The following DPP6 variants were observed in gnomAD, a reference collection of about 807,000 sequenced individuals.
DPP6 encodes A-type potassium channel modulatory protein DPP6.
Under a neutral mutation model 122.6 loss-of-function variants are expected in DPP6, and 69 were observed. The observed-to-expected ratio is 0.56, with a 90% confidence interval of 0.46 to 0.69. DPP6 has a LOEUF of 0.69. DPP6 is among the 30% of genes least tolerant of loss of function. The pLI is 0.00. For missense variants in DPP6, 928 were observed against 1,116.9 expected, an observed-to-expected ratio of 0.83 and a Z score of 2.41; for synonymous variants, 418 against 433.1, an observed-to-expected ratio of 0.97 and a Z score of 0.43.
chr7:153,883,338 T>C (rs1798806615), upstream of DPP6, among the ~76,000 whole-genome samples: 1 of 152,220 alleles, frequency 6.6e-6, no homozygotes, highest in Non-Finnish European at 1.5e-5. Context: ...AACCATCTTA[T>C]GTTAAGCACT....
chr7:154,463,195 CT>C (rs368362408), intron 2 of DPP6, among the ~76,000 whole-genome samples: 812 of 83,910 alleles, frequency 9.7e-3, no homozygotes, highest in African/African-American at 0.035. Context: ...TTCTCCTTTT[CT>C]TTTTTTTTTT....
chr7:154,020,691 C>A (rs1250704498), intron 1 of DPP6, among the ~76,000 whole-genome samples: 3 of 152,168 alleles, frequency 2.0e-5, no homozygotes, highest in Admixed American at 2.0e-4. Context: ...AGCTCAAATT[C>A]TCACTGTGGA....
At chr7:153,920,706 G>A (rs751430042) in intron 1 of DPP6, among the ~76,000 whole-genome samples, 1 of 151,480 alleles carries the variant, frequency 6.6e-6, no homozygotes, top group East Asian at 2.0e-4. Flanking sequence ...GATTACAAAC[G>A]TGTGCCACCA....
intron 1 of DPP6, among the ~76,000 whole-genome samples, chr7:154,003,134 A>C (rs1409617525): frequency 6.6e-6 from 1 of 152,196 alleles, no homozygotes. Context: ...GGCTACATGT[A>C]AAGGGAAAGG....
chr7:154,677,385 TGAG>T (rs1838978884), intron 7 of DPP6, among the ~76,000 whole-genome samples: 1 of 149,310 alleles, frequency 6.7e-6, no homozygotes, highest in Non-Finnish European at 1.5e-5. Flanking sequence ...AAATTGGAGT[TGAG>T]GGGTTTTTTT....
chr7:154,663,406 T>C (rs543921575), intron 6 of DPP6, among the ~76,000 whole-genome samples: 5 of 46,072 alleles, frequency 1.1e-4, no homozygotes, highest in African/African-American at 2.1e-4. Context: ...AGTATTCATA[T>C]AGTCATGATG....
In DPP6 at chr7:154,669,397, G is replaced by A. The variant is rs1233238800; in HGVS notation, c.718G>A (p.Ala240Thr). 6.4e-7 allele frequency: 1 copy of A among 1,557,060 alleles called. No individual in the cohort carries two copies. The highest frequency in any genetic ancestry group is 8.7e-7 in the Non-Finnish European group (1 of 1,149,596). The change falls in exon 7 of 26, where the codon GCA (alanine) becomes ACA (threonine). Residue 240 changes from alanine (A) to threonine (T), a missense_variant. Coordinates refer to ENST00000377770, the MANE Select transcript of DPP6 (RefSeq NM_130797.4). ...TCTGGACCCACCAGAAGTCAGCAAT[G>A]CAAAACTTCAGTATGCAGGATGGGG... is the stretch of plus-strand genomic sequence containing the variant. ...QSLDPPEVSN[A>T]KLQYAGWGPK...
chr7:154,446,164 T>C (rs1819849894), intron 1 of DPP6, 50 bp from the exon 2 acceptor site: 2 of 1,207,548 alleles, frequency 1.7e-6, no homozygotes, highest in South Asian at 1.4e-5. Flanking sequence ...TGGCTTATTT[T>C]ATTTCCTTAT....
the DPP6 span, among the ~76,000 whole-genome samples, chr7:153,873,460 T>C: frequency 6.6e-6 from 1 of 152,122 alleles, no homozygotes; most frequent in Non-Finnish European, 1.5e-5. Flanking sequence ...AGACAATAAT[T>C]CTACCCTTAT....
chr7:154,063,105 C>G lies in DPP6; in HGVS notation c.243+10042C>G, dbSNP rs1203147828. Among the ~76,000 whole-genome samples, 2 of 132,888 alleles carry G rather than the reference C, an allele frequency of 1.5e-5. 1 individual carries two copies. Among genetic ancestry groups the G allele is most frequent in the Admixed American group, 1.5e-4 (2 of 12,950 alleles). 87.2% of individuals were successfully genotyped at this position (132,888 alleles called of 152,430 possible). A position where few individuals can be genotyped will look rare whatever the true frequency, so the allele number is the denominator to read the frequency against. ...CCTCTTCCGCCCCTGGCTGTTAGTA[C>G]CCCCATCGCAGGGGGGGAGGCACCC... On this transcript the variant is annotated intron_variant, in intron 1 of 25. Transcript: ENST00000377770.
At chr7:154,571,172 C>T (rs552038401) in intron 5 of DPP6, among the ~76,000 whole-genome samples, 68 of 152,138 alleles carry the variant, frequency 4.5e-4, no homozygotes, top group African/African-American at 1.5e-3. Context: ...AATTTGAAAA[C>T]TGTATTAACT....
chr7:154,000,796 C>T (rs1001075317), intron 1 of DPP6, among the ~76,000 whole-genome samples: 19 of 152,058 alleles, frequency 1.2e-4, no homozygotes, highest in South Asian at 2.1e-4. Context: ...GAGGCCACTG[C>T]GACCTCTCTT....
chr7:154,283,861 G>A (rs1399511786), intron 1 of DPP6, among the ~76,000 whole-genome samples: 4 of 152,158 alleles, frequency 2.6e-5, no homozygotes, highest in Non-Finnish European at 5.9e-5. Flanking sequence ...GACATCATAA[G>A]AACAGAAAAC....
rs5888575 is a variant in DPP6 at position 154,483,388 on chromosome 7, AT to A, written c.457+8364del. Among the ~76,000 whole-genome samples, 2,887 of 149,840 alleles carry A rather than the reference AT, an allele frequency of 0.019. 34 individuals are homozygous for A. The highest frequency in any genetic ancestry group is 0.026 in the African/African-American group (1,056 of 40,828). ...TAAAGGTAAACTGAGGCACAATACA[AT>A]TTTTTTTTTTTTAAAAGCATTTATT... On this transcript the variant is annotated intron_variant, in intron 3 of 25. Coordinates refer to ENST00000377770, the MANE Select transcript of DPP6 (RefSeq NM_130797.4). This position sits in a 1 kb window ranked among gnomAD's most constrained non-coding sequence, Gnocchi z 8.1.
chr7:154,529,178 A>G (rs548104538), intron 3 of DPP6, among the ~76,000 whole-genome samples: 4 of 152,342 alleles, frequency 2.6e-5, no homozygotes, highest in Admixed American at 2.6e-4. Context: ...TGAAGAAGAC[A>G]GGTGATTTGA....
intron 2 of DPP6, among the ~76,000 whole-genome samples, chr7:154,448,670 AC>A (rs1278882876): frequency 6.6e-6 from 1 of 152,220 alleles, no homozygotes; most frequent in Non-Finnish European, 1.5e-5. Flanking sequence ...TTTAAAACTT[AC>A]TGTAAAGCTA....
Position 154,755,078 on chromosome 7 carries a change from G to T in DPP6, c.884-14339G>T, listed in dbSNP as rs1229474642. Among the ~76,000 whole-genome samples, 1 of 150,228 alleles carries T rather than the reference G, an allele frequency of 6.7e-6. No individual in the cohort carries two copies. The highest frequency in any genetic ancestry group is 1.9e-4 in the East Asian group (1 of 5,134). Reference sequence around the variant, plus strand: ...TTGATAGATGCAGCAAACCACCACGGCACATGTATACCTATGTAACAAACC... The same window carrying T: ...TTGATAGATGCAGCAAACCACCACGTCACATGTATACCTATGTAACAAACC... On this transcript the variant is annotated intron_variant, in intron 8 of 25. Transcript: ENST00000377770. The surrounding 1 kb of genome is among the most constrained non-coding windows in gnomAD (Gnocchi z 4.7).
At chr7:154,449,660 A>G (rs1193734196) in intron 2 of DPP6, among the ~76,000 whole-genome samples, 4 of 152,182 alleles carry the variant, frequency 2.6e-5, no homozygotes. Flanking sequence ...ATTAATGATA[A>G]TAGCCAAAAA....
intron 19 of DPP6, among the ~76,000 whole-genome samples, chr7:154,874,765 G>C (rs1375531994): frequency 6.6e-6 from 1 of 152,182 alleles, no homozygotes; most frequent in Non-Finnish European, 1.5e-5. Flanking sequence ...GGCTGGACCT[G>C]GGGCTGACTT....
Sources: gnomAD v4.1 joint callset for allele counts (sites outside exome capture counted in the v4.1 genomes callset) on GRCh38, gnomAD v4.1.1 for gene constraint, Gnocchi (gnomAD v3.1) non-coding constraint, MANE v1.5 for transcripts, NCBI Gene and HGNC (gene_info 2026-07-23, HGNC 2026-07-21) for gene names.